Variants in HK1 observed in about 807,000 individuals in gnomAD.
HK1 encodes the protein hexokinase 1.
Under a neutral mutation model 91.6 loss-of-function variants are expected in HK1, and 28 were observed. The observed-to-expected ratio is 0.31, with a 90% CI of 0.23 to 0.42. The LOEUF (loss-of-function observed/expected upper bound fraction) is 0.42, where lower values mean the gene tolerates loss of function less well. HK1 is among the 10% of genes least tolerant of loss of function. HK1 has a pLI of 1.00. For missense variants in HK1, 770 were observed against 1,219.8 expected (o/e 0.63, Z 5.49); for synonymous variants, 430 against 468.1 (o/e 0.92, Z 1.05).
At chr10:69,290,638 A>G (rs925537039) in intron 3 of HK1, among the ~76,000 whole-genome samples, 1 of 152,198 alleles carries the variant, frequency 6.6e-6, no homozygotes, top group Admixed American at 6.5e-5. Context: ...AGCCGGGATT[A>G]CAGGCTCCCG....
At chr10:69,350,094 A>T (rs1057293667) in intron 2 of HK1, among the ~76,000 whole-genome samples, 2 of 152,136 alleles carry the variant, frequency 1.3e-5, no homozygotes, top group African/African-American at 4.8e-5. Context: ...CTGTGCAAAG[A>T]GCAGGCCTTG....
chr10:69,291,397 T>C (rs774797263), intron 3 of HK1, among the ~76,000 whole-genome samples: 1 of 152,218 alleles, frequency 6.6e-6, no homozygotes, highest in Non-Finnish European at 1.5e-5. Context: ...TTGTAGTTCT[T>C]ATTGCCTGGA....
At chr10:69,364,382 C>A (rs994621163) in intron 3 of HK1, among the ~76,000 whole-genome samples, 1 of 151,898 alleles carries the variant, frequency 6.6e-6, no homozygotes, top group African/African-American at 2.4e-5. Flanking sequence ...TTTCAGAGAG[C>A]GTGGCGTCGG....
chr10:69,321,496 C>T (rs184942927), intron 1 of HK1, among the ~76,000 whole-genome samples: 13 of 152,318 alleles, frequency 8.5e-5, no homozygotes, highest in African/African-American at 3.1e-4. Context: ...ATGGTTCCCC[C>T]CCAGCGTGGG....
intron 4 of HK1, 130 bp from the exon 5 acceptor site, chr10:69,368,406 G>A (rs555264759): frequency 2.6e-5 from 20 of 757,068 alleles, no homozygotes; most frequent in South Asian, 1.7e-4. Flanking sequence ...CCCAAGCCCA[G>A]TGTGATCTGG....
intron 2 of HK1, among the ~76,000 whole-genome samples, chr10:69,347,771 G>A (rs997922296): frequency 7.9e-5 from 12 of 152,056 alleles, no homozygotes; most frequent in African/African-American, 2.9e-4. Context: ...ATTCAGGTGT[G>A]GTCAGATTCT....
chr10:69,365,669 G>C (rs1374562760), intron 4 of HK1, among the ~76,000 whole-genome samples: 2 of 152,084 alleles, frequency 1.3e-5, no homozygotes, highest in Non-Finnish European at 2.9e-5. Context: ...CTTAAGTCCA[G>C]GAGTTCAAGA....
At chr10:69,294,901 C>G (rs1159852818) in intron 3 of HK1, among the ~76,000 whole-genome samples, 1 of 151,178 alleles carries the variant, frequency 6.6e-6, no homozygotes, top group Non-Finnish European at 1.5e-5. Flanking sequence ...TGGTGTTGCA[C>G]ACCTGTAGTC....
intron 1 of HK1, among the ~76,000 whole-genome samples, chr10:69,334,595 A>C (rs1847886276): frequency 6.6e-6 from 1 of 152,092 alleles, no homozygotes; most frequent in Non-Finnish European, 1.5e-5. Context: ...AAACCCTCTG[A>C]GACCTCCCTA....
chr10:69,317,894 TG>T, upstream of HK1: 1 of 211,726 alleles, frequency 4.7e-6, no homozygotes, highest in Non-Finnish European at 8.2e-6. Flanking sequence ...AATCCTAAAG[TG>T]GCTGTCCTGG....
upstream of HK1, chr10:69,318,836 G>A: frequency 6.9e-7 from 1 of 1,458,816 alleles, no homozygotes; most frequent in Non-Finnish European, 9.0e-7. Context: ...GAGGAGCCGG[G>A]GGAGGAGGAG....
chr10:69,316,201 A>G (rs945200093), upstream of HK1, among the ~76,000 whole-genome samples: 2 of 152,086 alleles, frequency 1.3e-5, no homozygotes, highest in Non-Finnish European at 1.5e-5. Context: ...GTGGAGGAAG[A>G]GATAAGTGGG....
intron 1 of HK1, among the ~76,000 whole-genome samples, chr10:69,325,113 A>G (rs770521225): frequency 4.3e-4 from 55 of 128,572 alleles, no homozygotes; most frequent in South Asian, 9.6e-4. Flanking sequence ...GTGCAGTGGC[A>G]CGATCTCAGC....
At chr10:69,289,625 C>A (rs181006567) in intron 3 of HK1, among the ~76,000 whole-genome samples, 83 of 151,488 alleles carry the variant, frequency 5.5e-4, no homozygotes, top group Non-Finnish European at 9.6e-4. Context: ...GCGTGCGCCA[C>A]CATGCCTGGC....
chr10:69,273,347 C>CT (rs1421664221), intron 1 of HK1, among the ~76,000 whole-genome samples: 5 of 152,158 alleles, frequency 3.3e-5, no homozygotes, highest in African/African-American at 1.2e-4. Context: ...TCCCAAGTAG[C>CT]TGGGACTACA....
rs1452892383 is a variant in HK1 at position 69,392,220 on chromosome 10, G to C, written c.2131G>C (p.Ala711Pro). 1 of 1,614,190 alleles carries C rather than the reference G, an allele frequency of 6.2e-7. No individual in the cohort carries two copies. Among genetic ancestry groups the C allele is most frequent in the East Asian group, 2.2e-5 (1 of 44,872 alleles). Reference sequence around the variant, plus strand: ...GATGTGCATCAACATGGAGTGGGGGGCCTTTGGGGACAACGGGTGTCTGGA... The same window carrying C: ...GATGTGCATCAACATGGAGTGGGGGCCCTTTGGGGACAACGGGTGTCTGGA... ...GQMCINMEWG[A>P]FGDNGCLDDI... The change falls in exon 15 of 18, where the codon GCC becomes CCC. Residue 711 changes from alanine to proline, a missense_variant. By Grantham distance (27) the Ala-to-Pro change is conservative. This residue lies in a region of HK1 where 152 missense variants were observed against 211.1 expected (regional missense o/e 0.72). Transcript: ENST00000359426.
chr10:69,270,481 G>GTTCCTT (rs1844101798), intron 1 of HK1, among the ~76,000 whole-genome samples: 1 of 152,092 alleles, frequency 6.6e-6, no homozygotes, highest in Non-Finnish European at 1.5e-5. Context: ...TACTCGGGAG[G>GTTCCTT]CTGAAGCAGG....
At chr10:69,374,212 C>G (rs1019760646) in intron 7 of HK1, among the ~76,000 whole-genome samples, 15 of 152,170 alleles carry the variant, frequency 9.9e-5, no homozygotes, top group African/African-American at 2.9e-4. Context: ...GCCTCTGTCT[C>G]TTTTCTTTCC....
At chr10:69,349,712 G>A (rs1021280251) in intron 2 of HK1, among the ~76,000 whole-genome samples, 2 of 152,290 alleles carry the variant, frequency 1.3e-5, no homozygotes, top group African/African-American at 2.4e-5. Flanking sequence ...GACTGGACAC[G>A]ACAGCTCTGA....
Sources: allele counts gnomAD v4.1 joint callset (sites outside exome capture counted in the v4.1 genomes callset), GRCh38; gene constraint gnomAD v4.1.1; regional missense constraint gnomAD v4.1.1; transcripts MANE v1.5; gene names NCBI Gene and HGNC (gene_info 2026-07-23, HGNC 2026-07-21).